The following TMC3 variants were observed in gnomAD, a reference collection of about 807,000 sequenced individuals.
The protein encoded by TMC3 is transmembrane channel like 3.
In TMC3, 98 loss-of-function variants were observed where a neutral mutation model predicts 110.6. That is an observed-to-expected ratio of 0.89 (90% CI 0.75 to 1.05). The LOEUF (loss-of-function observed/expected upper bound fraction) is 1.05, where lower values mean the gene tolerates loss of function less well. Ranked by LOEUF, TMC3 falls within the 50% of genes least tolerant of loss-of-function variation. The pLI, the probability that TMC3 is intolerant of heterozygous loss-of-function variation, is 0.00. For synonymous variants in TMC3, 489 were observed against 513.1 expected (o/e 0.95, Z 0.63); for missense variants, 1,319 against 1,373.2 (o/e 0.96, Z 0.62).
At chr15:81,368,629 G>A (rs1370786991) in intron 2 of TMC3, among the ~76,000 whole-genome samples, 1 of 152,150 alleles carries the variant, frequency 6.6e-6, no homozygotes, top group African/African-American at 2.4e-5. Context: ...GTGCTTGGCT[G>A]GGAATTCTGA....
intron 7 of TMC3, among the ~76,000 whole-genome samples, chr15:81,357,405 A>G (rs1177969231): frequency 2.6e-5 from 4 of 152,018 alleles, no homozygotes; most frequent in African/African-American, 9.6e-5. Flanking sequence ...GAAGCAGCAG[A>G]TGAACCAGCG....
At chr15:81,360,088 G>C (rs1026642348) in intron 4 of TMC3, among the ~76,000 whole-genome samples, 1 of 151,682 alleles carries the variant, frequency 6.6e-6, no homozygotes, top group African/African-American at 2.4e-5. Context: ...TTCTGGAGTA[G>C]GTAGTTTTAT....
At chr15:81,360,115 A>C (rs889693407) in intron 4 of TMC3, among the ~76,000 whole-genome samples, 2 of 152,002 alleles carry the variant, frequency 1.3e-5, no homozygotes, top group African/African-American at 4.8e-5. Flanking sequence ...AAAAAAAAAA[A>C]CTCTTAAATT....
chr15:81,350,427 G>A (rs532519049), intron 10 of TMC3, among the ~76,000 whole-genome samples: 8 of 137,908 alleles, frequency 5.8e-5, no homozygotes, highest in Non-Finnish European at 9.0e-5. Context: ...AATTAGGCCT[G>A]GCTTTTGTAC....
chr15:81,333,162 G>C lies in TMC3; in HGVS notation c.2560C>G (p.Pro854Ala). ...TTHIEDVHSE[P>A]LFRKDFQQIN... ...TGCTGAAAGTCTTTTCGGAAAAGAG[G>C]TTCTGAGTGTACATCTTCGATGTGC... The change falls in exon 22 of 22, where the codon CCT becomes GCT. Residue 854 changes from proline (P) to alanine (A), a missense_variant. By Grantham distance (27) the Pro-to-Ala change is conservative (BLOSUM62 -1). Coordinates refer to ENST00000359440, the MANE Select transcript of TMC3 (RefSeq NM_001080532.3). The C allele has an allele frequency of 6.2e-7, 1 of 1,614,068 alleles. No homozygotes were observed. The highest frequency in any genetic ancestry group is 8.5e-7 in the Non-Finnish European group (1 of 1,179,906).
At chr15:81,348,969 C>T (rs867139975) in intron 11 of TMC3, among the ~76,000 whole-genome samples, 26 of 152,306 alleles carry the variant, frequency 1.7e-4, no homozygotes, top group Middle Eastern at 6.8e-3. Flanking sequence ...TGCGCCACCA[C>T]GCCCAGCTAT....
At chr15:81,359,611 C>T in intron 4 of TMC3, 140 bp from the exon 5 acceptor site, 1 of 601,006 alleles carries the variant, frequency 1.7e-6, no homozygotes, top group Non-Finnish European at 2.9e-6. Flanking sequence ...TCGAGGTGTT[C>T]CTTCCTAAAT....
At chr15:81,343,880 A>G (rs1742388745) in intron 14 of TMC3, 37 bp downstream of exon 14, 3 of 1,603,018 alleles carry the variant, frequency 1.9e-6, no homozygotes, top group Admixed American at 3.3e-5. Flanking sequence ...GGATTTGGCC[A>G]TATAAACTTT....
At chr15:81,363,293 G>T (rs570406010) in intron 3 of TMC3, among the ~76,000 whole-genome samples, 1 of 152,054 alleles carries the variant, frequency 6.6e-6, no homozygotes, top group South Asian at 2.1e-4. Flanking sequence ...AGATGCAATT[G>T]CCAAAAGTTT....
At chr15:81,365,689 A>C in intron 3 of TMC3, among the ~76,000 whole-genome samples, 1 of 113,106 alleles carries the variant, frequency 8.8e-6, no homozygotes, top group South Asian at 2.4e-4. Context: ...AAAAAAAGAA[A>C]AAGAAAAAAA....
chr15:81,333,387 G>T, intron 21 of TMC3, 125 bp from the exon 22 acceptor site: 1 of 1,300,700 alleles, frequency 7.7e-7, no homozygotes, highest in Non-Finnish European at 1.0e-6. Context: ...TGGTTAATGG[G>T]TATGGATTGT....
At chr15:81,371,119 C>T (rs1163691179) in intron 2 of TMC3, among the ~76,000 whole-genome samples, 1 of 152,156 alleles carries the variant, frequency 6.6e-6, no homozygotes. Flanking sequence ...AACTGTGTAG[C>T]TTGGGTTAGT....
chr15:81,349,310 T>C, intron 11 of TMC3, 148 bp downstream of exon 11: 1 of 445,018 alleles, frequency 2.2e-6, no homozygotes, highest in Non-Finnish European at 3.9e-6. Context: ...TGGGTTATGC[T>C]TTTCTTGAGT....
In TMC3 at chr15:81,333,087, C is replaced by A; in HGVS notation, c.2635G>T (p.Gly879Cys). The change falls in exon 22 of 22, where the codon GGT becomes TGT. Residue 879 changes from glycine to cysteine, a missense_variant. Transcript: ENST00000359440. ...TATCTGGGGGCGTGGGGCCTGGGAC[C>A]CTGTGCCAGCAAAGTCGAGGCCTGT... ...GPQASTLLAQ[G>C]PRPHAPRYYV... 1 of 1,613,890 alleles carries A rather than the reference C, an allele frequency of 6.2e-7. No individual in the cohort carries two copies. The highest frequency in any genetic ancestry group is 1.1e-5 in the South Asian group (1 of 91,082).
At chr15:81,338,435 C>T (rs1893642926) in intron 18 of TMC3, among the ~76,000 whole-genome samples, 1 of 152,250 alleles carries the variant, frequency 6.6e-6, no homozygotes, top group South Asian at 2.1e-4. Flanking sequence ...TGGAGTGCTC[C>T]CTCATCGCCC....
intron 9 of TMC3, among the ~76,000 whole-genome samples, chr15:81,352,664 A>G (rs1893975650): frequency 6.6e-6 from 1 of 152,250 alleles, no homozygotes; most frequent in Non-Finnish European, 1.5e-5. Context: ...AGGGTAAGGC[A>G]CTGTTACCAT....
Position 81,372,582 on chromosome 15 carries a change from G to A in TMC3, c.236+9C>T, listed in dbSNP as rs1347616707. The stretch of plus-strand genomic sequence containing the variant: ...TGTAATGATCAATAATGGCCATTGA[G>A]GCCCTTACCTCAATGCCCTCAGCTT... On this transcript the variant is annotated intron_variant, in intron 2 of 21. Coordinates refer to ENST00000359440, the MANE Select transcript of TMC3 (RefSeq NM_001080532.3). The A allele has an allele frequency of 6.2e-7, 1 of 1,613,040 alleles. No homozygotes were observed.
At chr15:81,339,583 A>G in intron 16 of TMC3, 79 bp from the exon 17 acceptor site, 1 of 1,108,610 alleles carries the variant, frequency 9.0e-7, no homozygotes, top group South Asian at 1.3e-5. Flanking sequence ...AAGAGCTGCC[A>G]CAGAAACGGT....
intron 16 of TMC3, among the ~76,000 whole-genome samples, chr15:81,340,043 G>A (rs141918517): frequency 7.0e-4 from 107 of 152,328 alleles, no homozygotes; most frequent in African/African-American, 2.5e-3. Flanking sequence ...ATTAAGCCCC[G>A]GTCCCTGAGC....
Sources: gnomAD v4.1 joint callset for allele counts (sites outside exome capture counted in the v4.1 genomes callset) on GRCh38, gnomAD v4.1.1 for gene constraint, MANE v1.5 for transcripts, NCBI Gene and HGNC (gene_info 2026-07-23, HGNC 2026-07-21) for gene names.